GPM6A: variants seen among roughly 807,000 people sequenced by gnomAD.
GPM6A encodes glycoprotein M6A.
GPM6A carries 7 observed loss-of-function variants against 32.1 expected under a neutral mutation model. The observed-to-expected ratio is 0.22, with a 90% CI of 0.12 to 0.41. The LOEUF (loss-of-function observed/expected upper bound fraction) is 0.41, where lower values mean the gene tolerates loss of function less well. GPM6A is among the 10% of genes least tolerant of loss of function. The probability of loss-of-function intolerance (pLI) is 1.00; values close to 1 mark genes in which losing one functional copy is unlikely to be tolerated. For synonymous variants in GPM6A, 130 were observed against 123.4 expected (o/e 1.05, Z -0.35); for missense variants, 235 against 347.2 (o/e 0.68, Z 2.57).
chr4:175,916,077 T>C (rs1417910960), intron 1 of GPM6A, among the ~76,000 whole-genome samples: 4 of 152,246 alleles, frequency 2.6e-5, no homozygotes, highest in Non-Finnish European at 1.5e-5. Flanking sequence ...CACAGCCAAG[T>C]TCTCTGATAG....
intron 1 of GPM6A, among the ~76,000 whole-genome samples, chr4:175,850,256 A>T (rs1353774914): frequency 6.6e-6 from 1 of 152,228 alleles, no homozygotes; most frequent in Non-Finnish European, 1.5e-5. Flanking sequence ...TTAGAAGTTT[A>T]TTACAATCAC....
At chr4:175,748,728 C>G (rs1022590863) in intron 1 of GPM6A, among the ~76,000 whole-genome samples, 5 of 152,146 alleles carry the variant, frequency 3.3e-5, no homozygotes, top group Non-Finnish European at 7.4e-5. Context: ...TCAGCCTGTC[C>G]TTTGAAACTT....
intron 3 of GPM6A, among the ~76,000 whole-genome samples, chr4:175,655,744 T>G (rs1742048747): frequency 1.3e-5 from 2 of 152,104 alleles, no homozygotes; most frequent in African/African-American, 4.8e-5. Context: ...GAACTTGAAA[T>G]CAGATGACCT....
chr4:175,685,674 C>G (rs186244311), intron 2 of GPM6A, among the ~76,000 whole-genome samples: 1 of 152,118 alleles, frequency 6.6e-6, no homozygotes, highest in Non-Finnish European at 1.5e-5. Flanking sequence ...CTGTTTAGAA[C>G]AATGGTTTAA....
At chr4:175,644,935 C>T (rs1009783608) in intron 4 of GPM6A, among the ~76,000 whole-genome samples, 2 of 151,782 alleles carry the variant, frequency 1.3e-5, no homozygotes, top group African/African-American at 2.4e-5. Flanking sequence ...GGTGAAACCC[C>T]GTCTCTACTA....
chr4:175,854,861 C>G (rs569990532), intron 1 of GPM6A, among the ~76,000 whole-genome samples: 2 of 152,140 alleles, frequency 1.3e-5, no homozygotes, highest in African/African-American at 4.8e-5. Context: ...AAGAAAGAAC[C>G]ACCTGAAAGG....
intron 1 of GPM6A, among the ~76,000 whole-genome samples, chr4:175,848,815 C>T (rs1197825498): frequency 2.0e-5 from 3 of 151,994 alleles, no homozygotes; most frequent in East Asian, 3.9e-4. Context: ...CTAATAAATA[C>T]TATTATTGAT....
chr4:175,645,202 A>G (rs1434508229), intron 4 of GPM6A, among the ~76,000 whole-genome samples: 1 of 152,218 alleles, frequency 6.6e-6, no homozygotes, highest in Non-Finnish European at 1.5e-5. Context: ...TGAAAGTTGC[A>G]GTAACGGGCT....
At chr4:175,909,042 C>CGGGG (rs57343227) in intron 1 of GPM6A, among the ~76,000 whole-genome samples, 86 of 56,606 alleles carry the variant, frequency 1.5e-3, no homozygotes, top group African/African-American at 5.3e-3. Flanking sequence ...AAAAAAAGGG[C>CGGGG]GGGGGGGGGG....
rs760333036 is a variant in GPM6A, at chr4:175,634,735, G to C, written c.*170C>G. The C allele has an allele frequency of 1.2e-5, 6 of 512,640 alleles. No individual in the cohort carries two copies. Among genetic ancestry groups the C allele is most frequent in the Non-Finnish European group, 2.0e-5 (6 of 293,466 alleles). The allele number at this position is 512,640 out of a possible 1,614,324, so 31.8% of individuals were successfully genotyped here. On this transcript the variant is annotated 3_prime_UTR_variant, in exon 7 of 7. Transcript: ENST00000393658. The stretch of plus-strand genomic sequence containing the variant: ...CTGATTTACATCAATTTAATAAATT[G>C]GGAAATTTAAGTGCTAAACAACAAA...
At chr4:175,755,888 G>A (rs1007514605) in intron 1 of GPM6A, among the ~76,000 whole-genome samples, 6 of 152,168 alleles carry the variant, frequency 3.9e-5, no homozygotes, top group Non-Finnish European at 5.9e-5. Context: ...TTTGGAAAGA[G>A]TAAGTCATAG....
At chr4:175,946,395 T>C (rs1294001170) in intron 1 of GPM6A, among the ~76,000 whole-genome samples, 4 of 152,216 alleles carry the variant, frequency 2.6e-5, no homozygotes, top group African/African-American at 9.6e-5. Context: ...TGGGTCACAA[T>C]CATGAAAAGA....
At chr4:175,961,588 G>A (rs1173989560) in intron 1 of GPM6A, among the ~76,000 whole-genome samples, 1 of 152,134 alleles carries the variant, frequency 6.6e-6, no homozygotes, top group Non-Finnish European at 1.5e-5. Context: ...AAATCTCCCA[G>A]TGGGGCCTTC....
chr4:175,774,405 G>GT (rs1733312539), intron 1 of GPM6A, among the ~76,000 whole-genome samples: 1 of 151,854 alleles, frequency 6.6e-6, no homozygotes, highest in Non-Finnish European at 1.5e-5. Flanking sequence ...TTCAAATACT[G>GT]TAAGTCATTA....
At chr4:175,890,659 T>C (rs947797023) in intron 1 of GPM6A, among the ~76,000 whole-genome samples, 3 of 152,058 alleles carry the variant, frequency 2.0e-5, no homozygotes, top group Admixed American at 6.6e-5. Context: ...CTCTAACTGC[T>C]GGGCTTAAGT....
intron 1 of GPM6A, among the ~76,000 whole-genome samples, chr4:175,924,456 T>C (rs1359265827): frequency 6.6e-6 from 1 of 151,972 alleles, no homozygotes; most frequent in Non-Finnish European, 1.5e-5. Context: ...GTCAGAGAGA[T>C]AAGTAAGGAA....
At chr4:175,836,984 T>C (rs2111377763) in intron 1 of GPM6A, among the ~76,000 whole-genome samples, 1 of 152,244 alleles carries the variant, frequency 6.6e-6, no homozygotes. Context: ...ATTTTGTAGA[T>C]GTGATTAAGT....
intron 1 of GPM6A, among the ~76,000 whole-genome samples, chr4:175,719,332 G>T (rs965443238): frequency 6.6e-6 from 1 of 151,896 alleles, no homozygotes; most frequent in African/African-American, 2.4e-5. Flanking sequence ...CCGAGTAGCT[G>T]GGACTACAGG....
chr4:175,792,508 A>T (rs1208489512), intron 1 of GPM6A, among the ~76,000 whole-genome samples: 1 of 152,150 alleles, frequency 6.6e-6, no homozygotes, highest in Non-Finnish European at 1.5e-5. Context: ...TGGGAAATGC[A>T]TGCTTTCTTG....
Sources: allele counts gnomAD v4.1 joint callset (sites outside exome capture counted in the v4.1 genomes callset), GRCh38; gene constraint gnomAD v4.1.1; transcripts MANE v1.5; gene names NCBI Gene and HGNC (gene_info 2026-07-23, HGNC 2026-07-21).